The following KYNU variants were observed in gnomAD, a reference collection of about 807,000 sequenced individuals.
KYNU encodes kynureninase.
A neutral mutation model predicts 59.2 loss-of-function variants in KYNU; 54 were observed. The ratio of observed to expected loss-of-function variants is 0.91; its 90% CI spans 0.73 to 1.14. The LOEUF (loss-of-function observed/expected upper bound fraction) is 1.14. Among genes scored for constraint, KYNU ranks in the 50% most tolerant of loss-of-function variants. The pLI, the probability that KYNU is intolerant of heterozygous loss-of-function variation, is 0.00. For missense variants in KYNU, 567 were observed against 554.4 expected, an observed-to-expected ratio of 1.02 and a Z score of -0.23; for synonymous variants, 177 against 192.0, an observed-to-expected ratio of 0.92 and a Z score of 0.65.
At chr2:142,917,002 T>C (rs910828874) in intron 2 of KYNU, among the ~76,000 whole-genome samples, 3 of 152,198 alleles carry the variant, frequency 2.0e-5, no homozygotes, top group Admixed American at 6.5e-5. Context: ...TGGCAATACC[T>C]ACTTTAAAGA....
At chr2:142,938,950 G>A (rs992238280) in intron 4 of KYNU, among the ~76,000 whole-genome samples, 9 of 151,712 alleles carry the variant, frequency 5.9e-5, no homozygotes, top group South Asian at 2.1e-4. Context: ...GTGAGACCCC[G>A]TCTCTACAAA....
intron 10 of KYNU, among the ~76,000 whole-genome samples, chr2:142,998,045 A>T (rs1483695773): frequency 6.6e-6 from 1 of 152,216 alleles, no homozygotes. Flanking sequence ...ATGTTCAAAG[A>T]ACACACAGCA....
At chr2:143,034,240 A>G (rs1239828944) in intron 12 of KYNU, among the ~76,000 whole-genome samples, 2 of 151,972 alleles carry the variant, frequency 1.3e-5, no homozygotes, top group South Asian at 2.1e-4. Flanking sequence ...GTAAATGTGC[A>G]TATATATTTC....
At chr2:143,034,369 A>G (rs1163439182) in intron 12 of KYNU, among the ~76,000 whole-genome samples, 2 of 152,200 alleles carry the variant, frequency 1.3e-5, no homozygotes, top group Admixed American at 6.5e-5. Flanking sequence ...TCAGCATCAA[A>G]TGAGTGACAG....
chr2:142,927,720 G>A lies in KYNU; in HGVS notation c.352G>A (p.Gly118Ser). Residue 118 changes from glycine (G) to serine (S), a missense_variant, in exon 4 of 14, where the codon GGC (glycine) becomes AGC (serine). Physicochemically the swap from Gly to Ser is moderately conservative, Grantham distance 56 (BLOSUM62 0). Transcript: ENST00000264170. ...GATTACAGGAGATGAGAGTATTGTA[G>A]GCCTTATGAAGGACATTGTAGGTAA... ...PWITGDESIV[G>S]LMKDIVGANE... The A allele has an allele frequency of 6.2e-7, 1 of 1,611,980 alleles. No homozygotes were observed.
chr2:142,977,674 A>G (rs1283181934), intron 8 of KYNU, among the ~76,000 whole-genome samples: 1 of 152,162 alleles, frequency 6.6e-6, no homozygotes, highest in Admixed American at 6.6e-5. Flanking sequence ...GAAGCTTAAT[A>G]CATTGCATAA....
At chr2:142,949,014 A>C (rs938496553) in intron 4 of KYNU, among the ~76,000 whole-genome samples, 1 of 152,230 alleles carries the variant, frequency 6.6e-6, no homozygotes, top group Non-Finnish European at 1.5e-5. Flanking sequence ...AATTGGCCAA[A>C]ACAAAGGGGC....
intron 4 of KYNU, among the ~76,000 whole-genome samples, chr2:142,933,672 A>G (rs1344788595): frequency 6.6e-6 from 1 of 152,130 alleles, no homozygotes; most frequent in African/African-American, 2.4e-5. Context: ...CAAGAAGTTT[A>G]AAAGAGAGAG....
chr2:143,005,518 A>G (rs1304136312), intron 10 of KYNU, among the ~76,000 whole-genome samples: 1 of 152,186 alleles, frequency 6.6e-6, no homozygotes, highest in Non-Finnish European at 1.5e-5. Context: ...CGAAAAAATA[A>G]GAAGAAAGGC....
At chr2:142,906,056 T>A (rs1413565130) in intron 2 of KYNU, among the ~76,000 whole-genome samples, 1 of 145,328 alleles carries the variant, frequency 6.9e-6, no homozygotes, top group Non-Finnish European at 1.5e-5. Context: ...TCTCTGCCTC[T>A]TTCTCTTTCT....
At chr2:142,961,658 T>C (rs1684354436) in intron 8 of KYNU, among the ~76,000 whole-genome samples, 1 of 152,198 alleles carries the variant, frequency 6.6e-6, no homozygotes, top group Non-Finnish European at 1.5e-5. Flanking sequence ...AGAGCTTTTT[T>C]TCCTACCCAC....
At chr2:143,014,202 C>T (rs1686190066) in intron 10 of KYNU, among the ~76,000 whole-genome samples, 1 of 152,206 alleles carries the variant, frequency 6.6e-6, no homozygotes, top group Non-Finnish European at 1.5e-5. Context: ...GAACATGGCT[C>T]AGGCCATTTC....
rs1283573997 is a variant in KYNU, at chr2:143,042,404, A to G, written c.*232A>G. On this transcript the variant is annotated 3_prime_UTR_variant, in exon 14 of 14. Transcript: ENST00000264170. ...GGGGGACCAAAACTGTGTTGGTTCA[A>G]GTATTATCTATACAGTCTCTATAAG... The G allele has an allele frequency of 1.6e-5, 7 of 447,688 alleles. No homozygotes were observed. The East Asian group carries it at 3.0e-4, about 19-fold the overall frequency. The allele number at this position is 447,688 out of a possible 1,614,324, so 27.7% of individuals were successfully genotyped here. A position where few individuals can be genotyped will look rare whatever the true frequency, so the allele number is the denominator to read the frequency against.
intron 2 of KYNU, among the ~76,000 whole-genome samples, chr2:142,897,649 C>T (rs981964545): frequency 6.6e-6 from 1 of 152,060 alleles, no homozygotes; most frequent in Non-Finnish European, 1.5e-5. Flanking sequence ...TCTGCAGAAA[C>T]ATTGTATATC....
chr2:142,963,171 T>C (rs1684406432), intron 8 of KYNU, among the ~76,000 whole-genome samples: 1 of 152,048 alleles, frequency 6.6e-6, no homozygotes, highest in Non-Finnish European at 1.5e-5. Flanking sequence ...GAAATGTATG[T>C]ATACCAAAAA....
chr2:143,055,681 A>AAG lies in KYNU; in HGVS notation c.*13509_*13510insAG, dbSNP rs1558994349. Reference sequence around the variant, plus strand: ...AAGGAAGGAAGGAAGGAAGGAAGGAAGGAAAGGGAGGAGAGGAGAGGAGAG... The same window carrying AAG: ...AAGGAAGGAAGGAAGGAAGGAAGGAAAGGGAAAGGGAGGAGAGGAGAGGAGAG... On this transcript the variant is annotated 3_prime_UTR_variant, in exon 14 of 14. Coordinates refer to ENST00000264170, the MANE Select transcript of KYNU (RefSeq NM_003937.3). 8.6e-5 allele frequency: 13 copies of AAG among 151,568 alleles called. No homozygotes were observed. The highest frequency in any genetic ancestry group is 2.0e-4 in the Admixed American group (3 of 15,178). 9.4% of individuals were successfully genotyped at this position (151,568 alleles called of 1,614,324 possible).
intron 3 of KYNU, among the ~76,000 whole-genome samples, chr2:142,927,142 G>C (rs1462728542): frequency 1.3e-5 from 2 of 152,154 alleles, no homozygotes; most frequent in African/African-American, 4.8e-5. Flanking sequence ...GTCAAACCAA[G>C]TAGTATTGGC....
intron 4 of KYNU, among the ~76,000 whole-genome samples, chr2:142,945,792 C>T (rs904482764): frequency 2.0e-5 from 3 of 150,554 alleles, no homozygotes; most frequent in Non-Finnish European, 2.9e-5. Context: ...GGCTGGAGTG[C>T]CGTGGCACAA....
intron 2 of KYNU, among the ~76,000 whole-genome samples, chr2:142,893,889 C>T (rs1230764571): frequency 6.6e-6 from 1 of 152,146 alleles, no homozygotes; most frequent in African/African-American, 2.4e-5. Context: ...AAAGAAATCT[C>T]AAGGTCCCAA....
Sources: gnomAD v4.1 joint callset for allele counts (sites outside exome capture counted in the v4.1 genomes callset) on GRCh38, gnomAD v4.1.1 for gene constraint, MANE v1.5 for transcripts, NCBI Gene and HGNC (gene_info 2026-07-23, HGNC 2026-07-21) for gene names.